SYNPR: variants seen among roughly 807,000 people sequenced by gnomAD.
SYNPR encodes the protein synaptoporin.
SYNPR carries 23 observed loss-of-function variants against 32.9 expected under a neutral mutation model. The ratio of observed to expected loss-of-function variants is 0.70; its 90% CI spans 0.50 to 0.99. The LOEUF is 0.99. Ranked by LOEUF, SYNPR falls within the 50% of genes least tolerant of loss-of-function variation. SYNPR has a pLI of 0.00. For missense variants in SYNPR, 318 were observed against 349.3 expected, an observed-to-expected ratio of 0.91 and a Z score of 0.71; for synonymous variants, 146 against 135.9, an observed-to-expected ratio of 1.07 and a Z score of -0.52.
At chr3:63,409,892 C>T (rs113987861) in intron 2 of SYNPR, among the ~76,000 whole-genome samples, 87 of 152,242 alleles carry the variant, frequency 5.7e-4, no homozygotes, top group Middle Eastern at 3.4e-3. Context: ...GTCACATCAG[C>T]GTGGAAGCTC....
intron 2 of SYNPR, among the ~76,000 whole-genome samples, chr3:63,383,933 T>A (rs984575712): frequency 3.9e-5 from 6 of 152,256 alleles, no homozygotes; most frequent in Non-Finnish European, 7.3e-5. Context: ...TGGTGATGAA[T>A]GTGTTGCTTA....
At chr3:63,204,704 G>C in the SYNPR span, among the ~76,000 whole-genome samples, 1 of 147,704 alleles carries the variant, frequency 6.8e-6, no homozygotes, top group Admixed American at 6.7e-5. Flanking sequence ...TCTTTTTTTT[G>C]AGACAGTCTC....
At position 63,401,629 on chromosome 3, in the gene SYNPR, C is replaced by T. The variant is rs115879750; in HGVS notation, c.85-79203C>T. On this transcript the variant is annotated intron_variant, in intron 2 of 5. Transcript: ENST00000478300. ...GAACTTTTTAGAGTCGTGTGTCTAG[C>T]CCAGAGCAGAAAATGAACTATGGAA... Among the ~76,000 whole-genome samples, 1,242 of 152,100 alleles carry T rather than the reference C, an allele frequency of 8.2e-3. 17 individuals carry two copies. Among genetic ancestry groups the T allele is most frequent in the African/African-American group, 0.028 (1,151 of 41,458 alleles).
At chr3:63,581,645 A>T (rs752690627) in intron 4 of SYNPR, among the ~76,000 whole-genome samples, 1 of 152,070 alleles carries the variant, frequency 6.6e-6, no homozygotes, top group Non-Finnish European at 1.5e-5. Flanking sequence ...AAGCAATTCC[A>T]GTGTTCAAAG....
At position 63,615,301 on chromosome 3, in the gene SYNPR, G is replaced by C. The variant is rs750900461; in HGVS notation, c.678G>C (p.Ser226=). The change falls in exon 6 of 6, where the codon TCG becomes TCC. Residue 226 remains serine (S), a synonymous_variant. Coordinates refer to ENST00000478300, the MANE Select transcript of SYNPR (RefSeq NM_001130003.2). ...TCAAGGAGACCGGCTGGCATTCTTC[G>C]GGACAGAGATATCTTTCAGATCCAA... ...FVFKETGWHS[S]GQRYLSDPME... is the part of the protein sequence containing the mutation. 4.3e-6 allele frequency: 7 copies of C among 1,613,584 alleles called. No individual in the cohort carries two copies. Among genetic ancestry groups the C allele is most frequent in the Middle Eastern group, 1.6e-4 (1 of 6,084 alleles).
chr3:63,472,583 C>T (rs796634482), intron 2 of SYNPR, among the ~76,000 whole-genome samples: 77 of 152,218 alleles, frequency 5.1e-4, no homozygotes, highest in African/African-American at 1.7e-3. Flanking sequence ...CATATATTTG[C>T]TTACTCAATA....
chr3:63,374,876 C>T (rs928175618), intron 2 of SYNPR, among the ~76,000 whole-genome samples: 1 of 152,110 alleles, frequency 6.6e-6, no homozygotes, highest in African/African-American at 2.4e-5. Flanking sequence ...TAAGGTTTGT[C>T]AAAGATCAGA....
chr3:63,463,641 TC>T (rs1700627173), intron 2 of SYNPR, among the ~76,000 whole-genome samples: 1 of 152,160 alleles, frequency 6.6e-6, no homozygotes, highest in Non-Finnish European at 1.5e-5. Flanking sequence ...ATCCACCATG[TC>T]CGCATGACAA....
chr3:63,556,835 T>TAAC, intron 4 of SYNPR, 94 bp downstream of exon 4: 1 of 1,223,832 alleles, frequency 8.2e-7, no homozygotes, highest in Non-Finnish European at 1.1e-6. Flanking sequence ...AGCCCTCGGG[T>TAAC]TAGGTGTTTG....
chr3:63,441,996 G>A (rs948007294), intron 2 of SYNPR, among the ~76,000 whole-genome samples: 2 of 152,210 alleles, frequency 1.3e-5, no homozygotes, highest in Non-Finnish European at 2.9e-5. Context: ...ACTAGTAAGT[G>A]GGAGACCAGG....
intron 2 of SYNPR, among the ~76,000 whole-genome samples, chr3:63,456,502 A>G (rs1052836400): frequency 6.6e-6 from 1 of 152,110 alleles, no homozygotes; most frequent in Non-Finnish European, 1.5e-5. Context: ...GGCACAAGGT[A>G]GACTATGTTA....
intron 2 of SYNPR, among the ~76,000 whole-genome samples, chr3:63,283,643 G>A (rs1026167433): frequency 8.3e-5 from 2 of 24,116 alleles, no homozygotes; most frequent in Non-Finnish European, 1.7e-4. Flanking sequence ...TTTTTTTTTT[G>A]AGACGGAGTC....
intron 2 of SYNPR, among the ~76,000 whole-genome samples, chr3:63,297,200 T>C (rs1212372318): frequency 1.3e-5 from 2 of 152,170 alleles, no homozygotes; most frequent in Admixed American, 6.5e-5. Context: ...ATTTAAAACA[T>C]TCATTTTTAC....
intron 3 of SYNPR, among the ~76,000 whole-genome samples, chr3:63,526,186 C>G (rs1172386656): frequency 1.3e-5 from 2 of 152,210 alleles, no homozygotes; most frequent in African/African-American, 4.8e-5. Flanking sequence ...CCACATGAGA[C>G]TTGCTGGGGT....
At chr3:63,365,504 G>T (rs2087719465) in intron 2 of SYNPR, among the ~76,000 whole-genome samples, 1 of 152,020 alleles carries the variant, frequency 6.6e-6, no homozygotes, top group Admixed American at 6.6e-5. Flanking sequence ...TTTTAAATTT[G>T]GTTAATTAGA....
chr3:63,374,555 C>G (rs2087859935), intron 2 of SYNPR, among the ~76,000 whole-genome samples: 1 of 152,118 alleles, frequency 6.6e-6, no homozygotes, highest in South Asian at 2.1e-4. Flanking sequence ...ACCTATATAA[C>G]ACACCTGCAC....
At chr3:63,315,748 T>G (rs2106960635) in intron 2 of SYNPR, among the ~76,000 whole-genome samples, 1 of 152,216 alleles carries the variant, frequency 6.6e-6, no homozygotes, top group Non-Finnish European at 1.5e-5. Context: ...CTTGTCTGAT[T>G]GCTCTGGCTA....
intron 3 of SYNPR, among the ~76,000 whole-genome samples, chr3:63,525,970 G>A (rs1702003988): frequency 6.6e-6 from 1 of 152,310 alleles, no homozygotes; most frequent in Non-Finnish European, 1.5e-5. Flanking sequence ...GAGAGCCTCA[G>A]GCAGCTTCTA....
chr3:63,490,829 C>T (rs1033463142), intron 3 of SYNPR, among the ~76,000 whole-genome samples: 2 of 152,124 alleles, frequency 1.3e-5, no homozygotes, highest in African/African-American at 4.8e-5. Context: ...GTGGTGCAAT[C>T]TCAGCTCACT....
Sources: gnomAD v4.1 joint callset for allele counts (sites outside exome capture counted in the v4.1 genomes callset) on GRCh38, gnomAD v4.1.1 for gene constraint, MANE v1.5 for transcripts, NCBI Gene and HGNC (gene_info 2026-07-23, HGNC 2026-07-21) for gene names.